IMMP2L: variants seen among roughly 807,000 people sequenced by gnomAD.
The protein encoded by IMMP2L is inner mitochondrial membrane peptidase subunit 2.
A neutral mutation model predicts 19.3 loss-of-function variants in IMMP2L; 18 were observed. That is an observed-to-expected ratio of 0.93 (90% CI 0.64 to 1.38). The LOEUF is 1.38. Ranked by LOEUF, IMMP2L falls within the 40% of genes most tolerant of loss-of-function variation. IMMP2L has a pLI of 0.00. For missense variants in IMMP2L, 233 were observed against 218.2 expected (o/e 1.07, Z -0.43); for synonymous variants, 76 against 73.0 (o/e 1.04, Z -0.21).
intron 3 of IMMP2L, among the ~76,000 whole-genome samples, chr7:111,076,002 T>C (rs1795375360): frequency 6.6e-6 from 1 of 152,204 alleles, no homozygotes; most frequent in Admixed American, 6.5e-5. Flanking sequence ...ATTTCTTATC[T>C]AGTTAAAATT....
chr7:111,423,224 C>T (rs1336433741), intron 3 of IMMP2L, among the ~76,000 whole-genome samples: 1 of 151,770 alleles, frequency 6.6e-6, no homozygotes, highest in Admixed American at 6.6e-5. Context: ...ATGATGCTGG[C>T]CTCATAAAAT....
intron 1 of IMMP2L, among the ~76,000 whole-genome samples, chr7:111,539,487 G>C (rs1281860446): frequency 6.6e-6 from 1 of 152,058 alleles, no homozygotes; most frequent in Non-Finnish European, 1.5e-5. Context: ...TGTTTAGTTA[G>C]ATTTTCTTTC....
chr7:110,830,741 T>C (rs1803896985), intron 5 of IMMP2L, among the ~76,000 whole-genome samples: 1 of 152,108 alleles, frequency 6.6e-6, no homozygotes, highest in Non-Finnish European at 1.5e-5. Context: ...CTCTTTTTCT[T>C]TTTATTTTCT....
At chr7:111,305,950 G>A (rs1168405880) in intron 3 of IMMP2L, among the ~76,000 whole-genome samples, 1 of 152,144 alleles carries the variant, frequency 6.6e-6, no homozygotes, top group Non-Finnish European at 1.5e-5. Context: ...ATGGATGGCT[G>A]CTGATACCTT....
intron 5 of IMMP2L, among the ~76,000 whole-genome samples, chr7:110,859,197 C>G (rs1807124420): frequency 6.6e-6 from 1 of 152,040 alleles, no homozygotes; most frequent in Non-Finnish European, 1.5e-5. Context: ...CATCAAAATT[C>G]TGAGGATTCC....
At chr7:110,822,197 G>A (rs1326450005) in intron 5 of IMMP2L, among the ~76,000 whole-genome samples, 1 of 152,000 alleles carries the variant, frequency 6.6e-6, no homozygotes, top group East Asian at 1.9e-4. Context: ...TCAGAAATCT[G>A]GAAAACTCTT....
At chr7:111,422,699 TA>T (rs1835689430) in intron 3 of IMMP2L, among the ~76,000 whole-genome samples, 1 of 151,878 alleles carries the variant, frequency 6.6e-6, no homozygotes, top group Admixed American at 6.5e-5. Flanking sequence ...CCTAACTGAA[TA>T]CCCTTTATTT....
intron 3 of IMMP2L, among the ~76,000 whole-genome samples, chr7:111,298,653 G>A (rs1374116400): frequency 1.3e-5 from 2 of 151,744 alleles, no homozygotes; most frequent in Non-Finnish European, 2.9e-5. Flanking sequence ...GTACTCAGGA[G>A]GCTGAGACAA....
intron 5 of IMMP2L, among the ~76,000 whole-genome samples, chr7:110,814,967 C>A (rs1802360808): frequency 6.6e-6 from 1 of 151,824 alleles, no homozygotes; most frequent in Admixed American, 6.6e-5. Flanking sequence ...ACAATTGATA[C>A]AATAGCAAGC....
At chr7:110,769,675 C>A (rs1050888566) in intron 5 of IMMP2L, among the ~76,000 whole-genome samples, 4 of 151,858 alleles carry the variant, frequency 2.6e-5, no homozygotes, top group African/African-American at 9.7e-5. Flanking sequence ...TTCTGATCAC[C>A]ACTTAACATG....
chr7:111,249,554 G>C (rs1028979894), intron 3 of IMMP2L, among the ~76,000 whole-genome samples: 49 of 152,178 alleles, frequency 3.2e-4, no homozygotes, highest in African/African-American at 1.2e-3. Flanking sequence ...CCCTCTTGTT[G>C]CTTTAACTAA....
intron 3 of IMMP2L, among the ~76,000 whole-genome samples, chr7:111,255,791 C>T (rs1295615012): frequency 6.6e-6 from 1 of 152,014 alleles, no homozygotes; most frequent in East Asian, 1.9e-4. Context: ...ACTCAGAGTA[C>T]AGTGTCCTTT....
intron 1 of IMMP2L, among the ~76,000 whole-genome samples, chr7:111,533,781 T>C (rs1452335974): frequency 6.6e-6 from 1 of 152,000 alleles, no homozygotes; most frequent in African/African-American, 2.4e-5. Flanking sequence ...AACAGTCTTT[T>C]AAGGGTAGAA....
intron 3 of IMMP2L, among the ~76,000 whole-genome samples, chr7:111,045,551 C>T (rs1488607272): frequency 1.3e-5 from 2 of 152,268 alleles, no homozygotes; most frequent in Admixed American, 6.5e-5. Flanking sequence ...TGATCCAGAC[C>T]TTGACCATCT....
At chr7:111,048,157 G>A (rs893517913) in intron 3 of IMMP2L, among the ~76,000 whole-genome samples, 2 of 143,206 alleles carry the variant, frequency 1.4e-5, no homozygotes, top group Non-Finnish European at 3.0e-5. Context: ...GGAGAATGGC[G>A]TGAACCCGGG....
chr7:110,977,683 C>T lies in IMMP2L; in HGVS notation c.240-14118G>A, dbSNP rs1055968994. 3.9e-5 allele frequency among the ~76,000 whole-genome samples: 6 copies of T among 151,980 alleles called. No homozygotes were observed. The East Asian group carries it at 1.2e-3, about 29-fold the overall frequency. On this transcript the variant is annotated intron_variant, in intron 3 of 5. Coordinates refer to ENST00000405709, the MANE Select transcript of IMMP2L (RefSeq NM_032549.4). The stretch of plus-strand genomic sequence containing the variant: ...GACTTCTCTCTTTCCTTCCCTCCCT[C>T]CCTCCTTTTCTTCCTTTCTCTCTCT...
Position 110,727,386 on chromosome 7 carries a change from G to T in IMMP2L, c.409-63665C>A, listed in dbSNP as rs559768151. 4.6e-5 allele frequency among the ~76,000 whole-genome samples: 6 copies of T among 130,290 alleles called. No homozygotes were observed. In the South Asian group the frequency reaches 1.5e-3, roughly 32 times the overall value. The allele number at this position is 130,290 out of a possible 152,430, so 85.5% of individuals were successfully genotyped here. A position where few individuals can be genotyped will look rare whatever the true frequency, so the allele number is the denominator to read the frequency against. ...AGCCTGGATGACAGAGTGAGACTCT[G>T]TCTCTAAATAAATAAATAAATAAAT... is the stretch of plus-strand genomic sequence containing the variant. On this transcript the variant is annotated intron_variant, in intron 5 of 5. Transcript: ENST00000405709. The surrounding 1 kb of genome is among the most constrained non-coding windows in gnomAD (Gnocchi z 4.3).
intron 3 of IMMP2L, among the ~76,000 whole-genome samples, chr7:111,277,881 A>C (rs1415995617): frequency 6.6e-6 from 1 of 152,178 alleles, no homozygotes; most frequent in East Asian, 1.9e-4. Flanking sequence ...AGTATATGTA[A>C]CACTACATTA....
At chr7:111,414,446 T>C (rs752311359) in intron 3 of IMMP2L, among the ~76,000 whole-genome samples, 1 of 151,820 alleles carries the variant, frequency 6.6e-6, no homozygotes, top group Non-Finnish European at 1.5e-5. Context: ...TGATCCCAAT[T>C]AAATGACATT....
Sources: allele counts gnomAD v4.1 joint callset (sites outside exome capture counted in the v4.1 genomes callset), GRCh38; gene constraint gnomAD v4.1.1; non-coding constraint Gnocchi (gnomAD v3.1); transcripts MANE v1.5; gene names NCBI Gene and HGNC (gene_info 2026-07-23, HGNC 2026-07-21).